The following GTF3C1 variants were observed in gnomAD, a reference collection of about 807,000 sequenced individuals.
The protein encoded by GTF3C1 is general transcription factor IIIC subunit 1, also known as general transcription factor 3C polypeptide 1.
In GTF3C1, 57 loss-of-function variants were observed where a neutral mutation model predicts 226.7. The ratio of observed to expected loss-of-function variants is 0.25; its 90% CI spans 0.20 to 0.31. The LOEUF (loss-of-function observed/expected upper bound fraction) is 0.31, where lower values mean the gene tolerates loss of function less well. GTF3C1 is among the 10% of genes least tolerant of loss of function. The probability of loss-of-function intolerance (pLI) is 1.00; values close to 1 mark genes in which losing one functional copy is unlikely to be tolerated. For missense variants in GTF3C1, 2,217 were observed against 2,776.1 expected (o/e 0.80, Z 4.53); for synonymous variants, 1,090 against 1,084.8 (o/e 1.00, Z -0.09).
rs368551392 is a variant in GTF3C1 at position 27,463,667 on chromosome 16, G to A, written c.5873-75C>T. On this transcript the variant is annotated intron_variant, in intron 34 of 36. Transcript: ENST00000356183. This position sits in a 1 kb window ranked among gnomAD's most constrained non-coding sequence, Gnocchi z 4.9. ...ATCTCTGCCCTCCAACCTTCAGCAT[G>A]GTACCTAGCATGAGCAGGGCACCTC... 214 of 844,034 alleles carry A rather than the reference G, an allele frequency of 2.5e-4. No individual in the cohort carries two copies. Among genetic ancestry groups the A allele is most frequent in the Non-Finnish European group, 4.4e-4 (208 of 476,982 alleles). 52.3% of individuals were successfully genotyped at this position (844,034 alleles called of 1,614,324 possible).
chr16:27,523,977 T>C (rs2088791266), intron 6 of GTF3C1, among the ~76,000 whole-genome samples: 1 of 152,162 alleles, frequency 6.6e-6, no homozygotes, highest in Non-Finnish European at 1.5e-5. Context: ...AAACCACCAC[T>C]GTCTGTGCTG....
intron 15 of GTF3C1, 79 bp from the exon 16 acceptor site, chr16:27,494,987 G>C: frequency 7.7e-7 from 1 of 1,293,472 alleles, no homozygotes; most frequent in Non-Finnish European, 1.1e-6. Flanking sequence ...TCATCTCCCA[G>C]GAGGTCTTGG....
chr16:27,505,185 G>A (rs1055662908), intron 10 of GTF3C1, among the ~76,000 whole-genome samples: 1 of 152,176 alleles, frequency 6.6e-6, no homozygotes, highest in East Asian at 1.9e-4. Context: ...TTATATTGAC[G>A]AAAGTACTGG....
intron 1 of GTF3C1, among the ~76,000 whole-genome samples, chr16:27,548,969 C>G (rs941790491): frequency 2.0e-5 from 3 of 152,172 alleles, no homozygotes; most frequent in Admixed American, 6.5e-5. Context: ...GCCTGGCCAA[C>G]ATGATGACAC....
intron 34 of GTF3C1, chr16:27,464,113 G>C (rs2087745682): frequency 2.2e-6 from 1 of 453,844 alleles, no homozygotes; most frequent in Non-Finnish European, 3.8e-6. Context: ...GCTGCCTGGG[G>C]ATGTGGGAGG....
At chr16:27,465,112 CCA>C in intron 33 of GTF3C1, 146 bp downstream of exon 33, 1 of 742,318 alleles carries the variant, frequency 1.3e-6, no homozygotes, top group Non-Finnish European at 2.2e-6. Context: ...GTGAAATGCC[CCA>C]GTTTTCAAGT....
chr16:27,489,507 C>A (rs2088199338), intron 20 of GTF3C1, 95 bp downstream of exon 20: 1 of 988,098 alleles, frequency 1.0e-6, no homozygotes, highest in Admixed American at 2.2e-5. Context: ...GGCCGTCTGG[C>A]CTGACATCCT....
In GTF3C1 at chr16:27,462,280, G is replaced by A. The variant is rs951944261; in HGVS notation, c.6117+14C>T. The A allele has an allele frequency of 9.7e-6, 15 of 1,542,588 alleles. No individual in the cohort carries two copies. Among genetic ancestry groups the A allele is most frequent in the Non-Finnish European group, 1.3e-5 (15 of 1,143,514 alleles). The stretch of plus-strand genomic sequence containing the variant: ...CCGCCTCCACACCCTGCTGAACCCA[G>A]GAAGGCCCCACACCTGGAGCAACTC... On this transcript the variant is annotated intron_variant, in intron 36 of 36. Transcript: ENST00000356183. This position sits in a 1 kb window ranked among gnomAD's most constrained non-coding sequence, Gnocchi z 4.5.
At chr16:27,515,600 C>T (rs980035655) in intron 6 of GTF3C1, among the ~76,000 whole-genome samples, 3 of 152,232 alleles carry the variant, frequency 2.0e-5, no homozygotes, top group Non-Finnish European at 2.9e-5. Context: ...CCTGAATAAA[C>T]GTTTGGAGGG....
At chr16:27,514,285 C>T (rs2088622698) in intron 6 of GTF3C1, among the ~76,000 whole-genome samples, 1 of 152,348 alleles carries the variant, frequency 6.6e-6, no homozygotes, top group African/African-American at 2.4e-5. Context: ...CTTGGCTCTG[C>T]CCTGTGCTCC....
In GTF3C1 at chr16:27,489,043, C is replaced by T. The variant is rs1357898604; in HGVS notation, c.3429G>A (p.Lys1143=). 1.9e-6 allele frequency: 3 copies of T among 1,613,838 alleles called. No individual in the cohort carries two copies. Among genetic ancestry groups the T allele is most frequent in the Non-Finnish European group, 2.5e-6 (3 of 1,179,844 alleles). The stretch of plus-strand genomic sequence containing the variant: ...GTAGTCCGGTGTGACGCACACCCAC[C>T]TTTTTGGCCTGGTTGATGATGTAGC... ...WTSYIINQAK[K]ENTAAENGLT... is the part of the protein sequence containing the mutation. The change falls in exon 21 of 37, where the codon AAG becomes AAA. Residue 1143 remains lysine (K), a splice_region_variant and synonymous_variant. Transcript: ENST00000356183.
intron 6 of GTF3C1, among the ~76,000 whole-genome samples, chr16:27,517,053 G>C (rs1227402742): frequency 6.6e-6 from 1 of 152,186 alleles, no homozygotes; most frequent in Non-Finnish European, 1.5e-5. Flanking sequence ...GGGTGGGCCT[G>C]GACAAGGTGG....
In GTF3C1 at chr16:27,528,675, T is replaced by TTC; in HGVS notation, c.894_895dup (p.Asn299ArgfsTer5). 6.2e-7 allele frequency: 1 copy of TTC among 1,613,156 alleles called. No individual in the cohort carries two copies. Among genetic ancestry groups the TTC allele is most frequent in the Non-Finnish European group, 8.5e-7 (1 of 1,179,088 alleles). On this transcript the variant is annotated frameshift_variant, in exon 6 of 37. Coordinates refer to ENST00000356183, the MANE Select transcript of GTF3C1 (RefSeq NM_001520.4). LOFTEE classifies it high-confidence loss of function. Reference sequence around the variant, plus strand: ...AGACACCACCTTGGCTAGCCCGGCGTTCAGCATATACTGGTACAGACGCTT... The same window carrying TTC: ...AGACACCACCTTGGCTAGCCCGGCGTTCTCAGCATATACTGGTACAGACGCTT...
rs2087853901 is a variant in GTF3C1 at position 27,470,648 on chromosome 16, C to T, written c.4527-253G>A. 1 of 490,848 alleles carries T rather than the reference C, an allele frequency of 2.0e-6. No individual in the cohort carries two copies. Among genetic ancestry groups the T allele is most frequent in the East Asian group, 3.7e-5 (1 of 27,010 alleles). 30.4% of individuals were successfully genotyped at this position (490,848 alleles called of 1,614,324 possible). On this transcript the variant is annotated intron_variant, in intron 30 of 36. Transcript: ENST00000356183. The surrounding 1 kb of genome is among the most constrained non-coding windows in gnomAD (Gnocchi z 4.9). ...CTCCTCATCTAATTCAATGTGGCCT[C>T]ACCTGGCGCTCCAGGAGGGCGCTGG...
Position 27,528,484 on chromosome 16 carries a change from G to A in GTF3C1, c.973+114C>T, listed in dbSNP as rs370370633. On this transcript the variant is annotated intron_variant, in intron 6 of 36. Transcript: ENST00000356183. ...CTGAGGCGCAGAGTTAAATAAATAT[G>A]TGAAATCATTATGCCACAAGGCAGA... 19 of 824,546 alleles carry A rather than the reference G, an allele frequency of 2.3e-5. No individual in the cohort carries two copies. The East Asian group carries it at 4.2e-4, about 18-fold the overall frequency. The allele number at this position is 824,546 out of a possible 1,614,324, so 51.1% of individuals were successfully genotyped here.
intron 6 of GTF3C1, among the ~76,000 whole-genome samples, chr16:27,520,152 T>C (rs746168227): frequency 1.3e-5 from 2 of 152,176 alleles, no homozygotes; most frequent in East Asian, 3.9e-4. Flanking sequence ...AGTCTCACTC[T>C]GTCACCCAGA....
rs1487287096 is a variant in GTF3C1 at position 27,489,171 on chromosome 16, G to C, written c.3301C>G (p.Arg1101Gly). 1.9e-6 allele frequency: 3 copies of C among 1,613,916 alleles called. No individual in the cohort carries two copies. The highest frequency in any genetic ancestry group is 2.5e-6 in the Non-Finnish European group (3 of 1,179,990). ...ATCAAGCCTTCATCCACCACCTCAC[G>C]GCTTCCACTAAAAGACAGGAAATCA... Reference protein sequence around the residue: ...CAMLEYTTGSREVVDEGLIPG... With the variant: ...CAMLEYTTGSGEVVDEGLIPG... Residue 1101 changes from arginine (R) to glycine (G), a missense_variant, in exon 21 of 37, where the codon CGT (arginine) becomes GGT (glycine). By Grantham distance (125) the Arg-to-Gly change is moderately radical (BLOSUM62 -2). Coordinates refer to ENST00000356183, the MANE Select transcript of GTF3C1 (RefSeq NM_001520.4).
At chr16:27,477,297 T>C (rs2087963771) in intron 28 of GTF3C1, among the ~76,000 whole-genome samples, 1 of 152,024 alleles carries the variant, frequency 6.6e-6, no homozygotes, top group Admixed American at 6.6e-5. Flanking sequence ...GAATAGTAAA[T>C]AGATTTTCTC....
At chr16:27,501,418 G>A (rs1169055393) in intron 11 of GTF3C1, 74 bp from the exon 12 acceptor site, 3 of 1,342,452 alleles carry the variant, frequency 2.2e-6, no homozygotes, top group African/African-American at 2.9e-5. Context: ...AGGCAACACA[G>A]ACATGCCTCA....
Sources: gnomAD v4.1 joint callset for allele counts (sites outside exome capture counted in the v4.1 genomes callset) on GRCh38, gnomAD v4.1.1 for gene constraint, Gnocchi (gnomAD v3.1) non-coding constraint, MANE v1.5 for transcripts, NCBI Gene and HGNC (gene_info 2026-07-23, HGNC 2026-07-21) for gene names.